The following NDEL1 variants were observed in gnomAD, a reference collection of about 807,000 sequenced individuals.
NDEL1 encodes the protein nuclear distribution protein nudE-like 1.
Under a neutral mutation model 45.7 loss-of-function variants are expected in NDEL1, and 9 were observed. The ratio of observed to expected loss-of-function variants is 0.20; its 90% CI spans 0.12 to 0.34. The LOEUF (loss-of-function observed/expected upper bound fraction) is 0.34. Ranked by LOEUF, NDEL1 falls within the 10% of genes least tolerant of loss-of-function variation. The pLI is 1.00. For missense variants in NDEL1, 306 were observed against 406.2 expected, an observed-to-expected ratio of 0.75 and a Z score of 2.12; for synonymous variants, 133 against 158.6, an observed-to-expected ratio of 0.84 and a Z score of 1.21.
At chr17:8,453,049 G>C (rs1910622064) in intron 6 of NDEL1, among the ~76,000 whole-genome samples, 1 of 152,028 alleles carries the variant, frequency 6.6e-6, no homozygotes, top group Non-Finnish European at 1.5e-5. Flanking sequence ...TACAATGTTT[G>C]TTTCTAAAAA....
At chr17:8,413,181 A>T (rs1204885215) in exon 1 of NDEL1, 5 of 152,194 alleles carry the variant, frequency 3.3e-5, no homozygotes, top group African/African-American at 1.2e-4. Flanking sequence ...CACTCTTCCT[A>T]TTGACTTCTA....
chr17:8,427,141 A>AAC (rs1908855895), intron 1 of NDEL1, among the ~76,000 whole-genome samples: 1 of 152,240 alleles, frequency 6.6e-6, no homozygotes, highest in African/African-American at 2.4e-5. Context: ...CTGTTGACTT[A>AAC]CAGCCAACTG....
At chr17:8,462,211 TGA>T (rs945754529) in intron 8 of NDEL1, among the ~76,000 whole-genome samples, 1 of 152,074 alleles carries the variant, frequency 6.6e-6, no homozygotes, top group Non-Finnish European at 1.5e-5. Flanking sequence ...TTGCAGATAC[TGA>T]GTTTTGGTTT....
At chr17:8,471,500 C>T (rs545996184), downstream of NDEL1, among the ~76,000 whole-genome samples, 3 of 152,314 alleles carry the variant, frequency 2.0e-5, no homozygotes, top group South Asian at 2.1e-4. Flanking sequence ...GGAGAGGCAG[C>T]GCTCTGCATG....
upstream of NDEL1, among the ~76,000 whole-genome samples, chr17:8,432,358 A>ATT (rs1567722413): frequency 1.5e-4 from 5 of 33,356 alleles, no homozygotes; most frequent in Non-Finnish European, 4.6e-4. Flanking sequence ...ATATAAATAT[A>ATT]AATATATATA....
chr17:8,445,984 G>A, intron 3 of NDEL1, 120 bp downstream of exon 3: 1 of 1,011,194 alleles, frequency 9.9e-7, no homozygotes, highest in East Asian at 3.0e-5. Context: ...AACGCTTAAA[G>A]TGAATTTTTG....
At chr17:8,463,332 CAT>C (rs773811652) in intron 8 of NDEL1, 2 of 1,612,780 alleles carry the variant, frequency 1.2e-6, no homozygotes, top group South Asian at 2.2e-5. Flanking sequence ...AAGAAAAAGT[CAT>C]ATTTCCCACG....
intron 7 of NDEL1, among the ~76,000 whole-genome samples, chr17:8,458,548 C>CTGTGTGTGTG (rs112741158): frequency 1.3e-5 from 2 of 149,942 alleles, no homozygotes; most frequent in African/African-American, 4.9e-5. Flanking sequence ...TCAATTTCTA[C>CTGTGTGTGTG]TGTGTGTGTG....
At chr17:8,427,655 C>T (rs911602041) in intron 1 of NDEL1, among the ~76,000 whole-genome samples, 1 of 152,122 alleles carries the variant, frequency 6.6e-6, no homozygotes, top group Non-Finnish European at 1.5e-5. Flanking sequence ...TCTCAGTGAG[C>T]CAAGCTCGCG....
intron 4 of NDEL1, among the ~76,000 whole-genome samples, chr17:8,447,871 G>A (rs916744304): frequency 2.0e-5 from 3 of 151,886 alleles, no homozygotes; most frequent in African/African-American, 4.8e-5. Flanking sequence ...TACCCTTGGG[G>A]GTGACAGATA....
downstream of NDEL1, among the ~76,000 whole-genome samples, chr17:8,472,963 T>A (rs1025432220): frequency 2.0e-5 from 3 of 152,222 alleles, no homozygotes; most frequent in Admixed American, 6.5e-5. Context: ...CCAGCTGCCA[T>A]AAACTGTCTT....
At chr17:8,440,989 A>G (rs1909696487) in intron 1 of NDEL1, among the ~76,000 whole-genome samples, 1 of 152,254 alleles carries the variant, frequency 6.6e-6, no homozygotes, top group Non-Finnish European at 1.5e-5. Flanking sequence ...ACACCTTCAA[A>G]TAAATGTTAG....
intron 1 of NDEL1, among the ~76,000 whole-genome samples, chr17:8,420,270 A>AC (rs1329827733): frequency 6.6e-6 from 1 of 152,184 alleles, no homozygotes; most frequent in Non-Finnish European, 1.5e-5. Flanking sequence ...TTTGTAAAGC[A>AC]CTTACGAGAG....
At position 8,467,414 on chromosome 17, in the gene NDEL1, C is replaced by T; in HGVS notation, c.*391C>T. ...CATTGCAAATCTTCTAGAAGTTCTC[C>T]CCCAAATCAGGTCAATGTGTGCCCT... On this transcript the variant is annotated 3_prime_UTR_variant, in exon 9 of 9. Transcript: ENST00000334527. This position sits in a 1 kb window ranked among gnomAD's most constrained non-coding sequence, Gnocchi z 6.3. The T allele has an allele frequency of 2.4e-6, 1 of 408,454 alleles. No individual in the cohort carries two copies. The highest frequency in any genetic ancestry group is 4.3e-6 in the Non-Finnish European group (1 of 232,686). 25.3% of individuals were successfully genotyped at this position (408,454 alleles called of 1,614,324 possible).
At chr17:8,471,312 G>A (rs117161339), downstream of NDEL1, among the ~76,000 whole-genome samples, 69 of 152,288 alleles carry the variant, frequency 4.5e-4, 1 homozygote, top group East Asian at 9.3e-3. Flanking sequence ...CGCCATGCCC[G>A]GCTAATTTTG....
At chr17:8,457,668 A>C (rs1910928000) in intron 7 of NDEL1, among the ~76,000 whole-genome samples, 1 of 152,090 alleles carries the variant, frequency 6.6e-6, no homozygotes, top group African/African-American at 2.4e-5. Context: ...TTCTTTTCTC[A>C]TCTTTTGTTA....
intron 5 of NDEL1, 140 bp downstream of exon 5, chr17:8,448,826 A>G (rs1910266021): frequency 2.2e-6 from 2 of 900,694 alleles, no homozygotes; most frequent in African/African-American, 1.7e-5. Context: ...AACCCTGTAT[A>G]TGGAGGGCTG....
At chr17:8,426,897 G>A (rs1350485035) in intron 1 of NDEL1, among the ~76,000 whole-genome samples, 2 of 152,130 alleles carry the variant, frequency 1.3e-5, no homozygotes, top group African/African-American at 4.8e-5. Flanking sequence ...ACCTTCATAG[G>A]AAGGCCTGTT....
chr17:8,434,340 C>T (rs748284436), upstream of NDEL1, among the ~76,000 whole-genome samples: 160 of 152,244 alleles, frequency 1.1e-3, no homozygotes, highest in Admixed American at 4.3e-3. Context: ...CCTCAGCCTC[C>T]GGAGTAGCTA....
Sources: gnomAD v4.1 joint callset for allele counts (sites outside exome capture counted in the v4.1 genomes callset) on GRCh38, gnomAD v4.1.1 for gene constraint, Gnocchi (gnomAD v3.1) non-coding constraint, MANE v1.5 for transcripts, NCBI Gene and HGNC (gene_info 2026-07-23, HGNC 2026-07-21) for gene names.